The following TP63 variants were observed in gnomAD, a reference collection of about 807,000 sequenced individuals.
The protein encoded by TP63 is tumor protein p63.
Under a neutral mutation model 82.8 loss-of-function variants are expected in TP63, and 17 were observed. The observed-to-expected ratio is 0.21, with a 90% CI of 0.14 to 0.31. TP63 has a LOEUF of 0.31. Ranked by LOEUF, TP63 falls within the 10% of genes least tolerant of loss-of-function variation. The pLI is 1.00. For synonymous variants in TP63, 330 were observed against 321.7 expected (o/e 1.03, Z -0.28); for missense variants, 648 against 895.3 (o/e 0.72, Z 3.52).
intron 4 of TP63, among the ~76,000 whole-genome samples, chr3:189,825,405 C>T (rs1012996197): frequency 1.3e-5 from 2 of 152,278 alleles, no homozygotes; most frequent in Admixed American, 6.5e-5. Flanking sequence ...TGCAATCATT[C>T]GTGAGTCTAC....
In TP63 at chr3:189,643,721, T is replaced by C. The variant is rs1418320512; in HGVS notation, c.62+12144T>C. On this transcript the variant is annotated intron_variant, in intron 1 of 13. Coordinates refer to ENST00000264731, the MANE Select transcript of TP63 (RefSeq NM_003722.5). Reference sequence around the variant, plus strand: ...TGCTAGCTTGTCTTAACTGAAGGCTTTTCTTTCTCTGAAAACATCTACATC... The same window carrying C: ...TGCTAGCTTGTCTTAACTGAAGGCTCTTCTTTCTCTGAAAACATCTACATC... Among the ~76,000 whole-genome samples the C allele has an allele frequency of 2.0e-5, 3 of 152,346 alleles. No individual in the cohort carries two copies. In the East Asian group the frequency reaches 5.8e-4, roughly 29 times the overall value.
chr3:189,867,728 A>T, intron 6 of TP63, 105 bp from the exon 7 acceptor site: 1 of 1,026,034 alleles, frequency 9.7e-7, no homozygotes, highest in Admixed American at 2.0e-5. Flanking sequence ...GAGGAAGCGT[A>T]TCACTTCATC....
chr3:189,755,767 C>G (rs1722142974), intron 3 of TP63, among the ~76,000 whole-genome samples: 2 of 152,010 alleles, frequency 1.3e-5, no homozygotes, highest in African/African-American at 2.4e-5. Context: ...AAAAGTGTGG[C>G]CTGAAATCAA....
chr3:189,741,980 G>A (rs748760072), intron 3 of TP63, among the ~76,000 whole-genome samples: 5 of 151,920 alleles, frequency 3.3e-5, no homozygotes, highest in African/African-American at 4.8e-5. Context: ...CATTGGCTCA[G>A]GCCTGTAATC....
chr3:189,601,977 C>A, the TP63 span, among the ~76,000 whole-genome samples: 216 of 152,304 alleles, frequency 1.4e-3, 5 homozygotes, highest in East Asian at 0.033. Flanking sequence ...TTAAACAACA[C>A]TCTCAAATGA....
chr3:189,638,785 CCT>C (rs1227978857), intron 1 of TP63, among the ~76,000 whole-genome samples: 3 of 152,098 alleles, frequency 2.0e-5, no homozygotes, highest in Admixed American at 2.0e-4. Flanking sequence ...TACATCGATG[CCT>C]CTCTCTGAGA....
At chr3:189,689,098 C>CTTTTT (rs1383931117) in intron 1 of TP63, among the ~76,000 whole-genome samples, 2,768 of 85,130 alleles carry the variant, frequency 0.033, 981 homozygotes, top group Middle Eastern at 0.062. Flanking sequence ...TCAAATCTAC[C>CTTTTT]TTTTTCTTTT....
At chr3:189,872,565 G>A (rs542039157) in intron 9 of TP63, among the ~76,000 whole-genome samples, 166 of 152,120 alleles carry the variant, frequency 1.1e-3, no homozygotes, top group African/African-American at 3.5e-3. Flanking sequence ...AACACGTGGC[G>A]CTAAATAGAC....
intron 1 of TP63, among the ~76,000 whole-genome samples, chr3:189,662,087 ATTTCT>A (rs1713934251): frequency 6.6e-6 from 1 of 151,716 alleles, no homozygotes; most frequent in Non-Finnish European, 1.5e-5. Context: ...GATTTTAGTC[ATTTCT>A]TTTCTTGTGC....
At chr3:189,694,790 C>CTTTTTTTTTTTTTGTTTTTTTTTTT (rs1717226090) in intron 1 of TP63, among the ~76,000 whole-genome samples, 1 of 32,730 alleles carries the variant, frequency 3.1e-5, no homozygotes, top group Non-Finnish European at 5.4e-5. Flanking sequence ...TATTTACAGC[C>CTTTTTTTTTTTTTGTTTTTTTTTTT]TTTTTTTTTT....
chr3:189,613,078 G>A, the TP63 span, among the ~76,000 whole-genome samples: 1 of 152,196 alleles, frequency 6.6e-6, no homozygotes, highest in Non-Finnish European at 1.5e-5. Context: ...CAAGCCGGCT[G>A]TAGAAATTTG....
the TP63 span, among the ~76,000 whole-genome samples, chr3:189,602,294 T>C: frequency 6.6e-6 from 1 of 152,308 alleles, no homozygotes; most frequent in East Asian, 1.9e-4. Context: ...GACCATGGCT[T>C]AGAAAGGGCT....
intron 1 of TP63, among the ~76,000 whole-genome samples, chr3:189,689,085 C>CATTCAA (rs1460189159): frequency 1.5e-5 from 2 of 133,018 alleles, no homozygotes; most frequent in Non-Finnish European, 3.1e-5. Context: ...GAGTGGCCAG[C>CATTCAA]ATTCAAATCT....
intron 3 of TP63, among the ~76,000 whole-genome samples, chr3:189,745,749 AAACTGATGAATTTACT>A (rs1721329482): frequency 6.8e-6 from 1 of 147,424 alleles, no homozygotes; most frequent in Non-Finnish European, 1.5e-5. Flanking sequence ...AGAAATTCTG[AAACTGATGAATTTACT>A]AAGTGAAATC....
rs1441680693 is a variant in TP63 at position 189,875,589 on chromosome 3, CATACAT to C, written c.1349+2598_1349+2603del. ...TCAAAAAGAAAAAGAAAAAAAAATA[CATACAT>C]ATATATATATATATATATATATATA... On this transcript the variant is annotated intron_variant, in intron 10 of 13. Transcript: ENST00000264731. Among the ~76,000 whole-genome samples, 131 of 44,404 alleles carry C rather than the reference CATACAT, an allele frequency of 3.0e-3. 2 individuals are homozygous for C. Among genetic ancestry groups the C allele is most frequent in the East Asian group, 0.014 (17 of 1,240 alleles). 29.1% of individuals were successfully genotyped at this position (44,404 alleles called of 152,430 possible).
At chr3:189,856,203 A>G (rs942681924) in intron 4 of TP63, among the ~76,000 whole-genome samples, 11 of 151,382 alleles carry the variant, frequency 7.3e-5, no homozygotes, top group Admixed American at 2.6e-4. Flanking sequence ...AAAGGAGAAA[A>G]TAAGTTTGAG....
At chr3:189,761,455 A>G (rs993870271) in intron 3 of TP63, among the ~76,000 whole-genome samples, 4 of 152,224 alleles carry the variant, frequency 2.6e-5, no homozygotes, top group Admixed American at 6.5e-5. Flanking sequence ...AATCATAACA[A>G]GAGTCATCTT....
rs1714126495 is a variant in TP63 at position 189,663,623 on chromosome 3, A to G, written c.62+32046A>G. Among the ~76,000 whole-genome samples, 3 of 139,986 alleles carry G rather than the reference A, an allele frequency of 2.1e-5. No individual in the cohort carries two copies. In the South Asian group the frequency reaches 6.6e-4, roughly 31 times the overall value. 91.8% of individuals were successfully genotyped at this position (139,986 alleles called of 152,430 possible). A position where few individuals can be genotyped will look rare whatever the true frequency, so the allele number is the denominator to read the frequency against. On this transcript the variant is annotated intron_variant, in intron 1 of 13. Transcript: ENST00000264731. Reference sequence around the variant, plus strand: ...GCTCACTGCAACATCCATCTCCTAGATTAAAGAGATCCTCCTGCCTCAGCC... The same window carrying G: ...GCTCACTGCAACATCCATCTCCTAGGTTAAAGAGATCCTCCTGCCTCAGCC...
intron 1 of TP63, among the ~76,000 whole-genome samples, chr3:189,686,053 G>A (rs1478346599): frequency 6.6e-6 from 1 of 152,166 alleles, no homozygotes; most frequent in African/African-American, 2.4e-5. Flanking sequence ...CTTGTAAAAT[G>A]AGGAGTTTGG....
Sources: allele counts gnomAD v4.1 joint callset (sites outside exome capture counted in the v4.1 genomes callset), GRCh38; gene constraint gnomAD v4.1.1; transcripts MANE v1.5; gene names NCBI Gene and HGNC (gene_info 2026-07-23, HGNC 2026-07-21).